Variants in SORBS2 observed in about 807,000 individuals in gnomAD.
The protein encoded by SORBS2 is sorbin and SH3 domain containing 2.
In SORBS2, 46 loss-of-function variants were observed where a neutral mutation model predicts 97.7. The ratio of observed to expected loss-of-function variants is 0.47; its 90% CI spans 0.37 to 0.60. The LOEUF is 0.60. Among genes scored for constraint, SORBS2 ranks in the 20% least tolerant of loss-of-function variants. The pLI is 0.00. For synonymous variants in SORBS2, 476 were observed against 473.4 expected (o/e 1.01, Z -0.07); for missense variants, 1,316 against 1,282.3 (o/e 1.03, Z -0.40).
intron 1 of SORBS2, among the ~76,000 whole-genome samples, chr4:185,927,362 TGCACCTATC>T (rs1193007268): frequency 6.6e-6 from 1 of 152,058 alleles, no homozygotes; most frequent in East Asian, 1.9e-4. Context: ...GGCGGTTTGC[TGCACCTATC>T]AATCTGTCAC....
chr4:185,604,210 A>G (rs1005659139), intron 12 of SORBS2, among the ~76,000 whole-genome samples: 2 of 152,272 alleles, frequency 1.3e-5, no homozygotes, highest in East Asian at 1.9e-4. Flanking sequence ...GGCCACGCCC[A>G]TGATGTTAAA....
intron 12 of SORBS2, among the ~76,000 whole-genome samples, chr4:185,605,368 C>T (rs561182977): frequency 8.5e-4 from 129 of 152,348 alleles, no homozygotes; most frequent in East Asian, 1.7e-3. Context: ...CTGCAACCTC[C>T]GCCTCCCGGT....
At chr4:185,767,594 C>A (rs1391782191) in intron 2 of SORBS2, among the ~76,000 whole-genome samples, 2 of 151,062 alleles carry the variant, frequency 1.3e-5, no homozygotes, top group Non-Finnish European at 2.9e-5. Context: ...TAATACTGAG[C>A]ATTAAATAAA....
chr4:185,900,062 T>C (rs531415505), intron 1 of SORBS2, among the ~76,000 whole-genome samples: 2 of 152,176 alleles, frequency 1.3e-5, no homozygotes, highest in Non-Finnish European at 2.9e-5. Context: ...GATTGTCGTG[T>C]GCTATGATCA....
chr4:185,808,295 G>C (rs1046762759), intron 1 of SORBS2, among the ~76,000 whole-genome samples: 7 of 151,928 alleles, frequency 4.6e-5, no homozygotes, highest in African/African-American at 1.7e-4. Flanking sequence ...CAAATATCAG[G>C]ATATTTTAAA....
intron 1 of SORBS2, among the ~76,000 whole-genome samples, chr4:185,802,633 C>T (rs535310467): frequency 3.2e-4 from 48 of 152,284 alleles, no homozygotes; most frequent in African/African-American, 1.1e-3. Flanking sequence ...CTCATCATTG[C>T]CTGCTCAAGC....
intron 1 of SORBS2, among the ~76,000 whole-genome samples, chr4:185,946,347 T>A (rs545267187): frequency 5.9e-5 from 9 of 152,140 alleles, no homozygotes; most frequent in African/African-American, 2.2e-4. Context: ...AACAAAAAAA[T>A]GTGAGTGTGA....
chr4:185,657,663 G>A (rs1297483914), upstream of SORBS2: 2 of 1,434,884 alleles, frequency 1.4e-6, no homozygotes, highest in African/African-American at 2.9e-5. Context: ...CATGTGTCTT[G>A]TTGTATATTT....
At chr4:185,834,011 T>C (rs114662010) in intron 1 of SORBS2, among the ~76,000 whole-genome samples, 4,419 of 152,342 alleles carry the variant, frequency 0.029, 205 homozygotes, top group African/African-American at 0.1. Flanking sequence ...ATTATGACAT[T>C]GGAAATGCCA....
intron 1 of SORBS2, chr4:185,933,476 C>T (rs1291156883): frequency 3.9e-5 from 6 of 152,060 alleles, no homozygotes; most frequent in Admixed American, 2.6e-4. Context: ...AGGCTGGAAG[C>T]CTGAGATCAA....
chr4:185,842,363 C>T (rs1039794156), intron 1 of SORBS2, among the ~76,000 whole-genome samples: 1 of 152,098 alleles, frequency 6.6e-6, no homozygotes, highest in Non-Finnish European at 1.5e-5. Flanking sequence ...GCAGAGTGGA[C>T]AAGAAGGAAA....
chr4:185,717,416 A>G (rs114942110), intron 2 of SORBS2, among the ~76,000 whole-genome samples: 3 of 152,228 alleles, frequency 2.0e-5, no homozygotes, highest in Non-Finnish European at 2.9e-5. Flanking sequence ...CATGGCAACT[A>G]TTATCTGAGG....
chr4:185,802,084 C>T (rs1585069514), intron 1 of SORBS2, among the ~76,000 whole-genome samples: 6 of 152,348 alleles, frequency 3.9e-5, no homozygotes, highest in African/African-American at 1.4e-4. Context: ...CTTTCCCGAT[C>T]CTCTAACAAA....
At chr4:185,746,376 G>C (rs1464154419) in intron 2 of SORBS2, among the ~76,000 whole-genome samples, 1 of 152,132 alleles carries the variant, frequency 6.6e-6, no homozygotes, top group African/African-American at 2.4e-5. Context: ...CAGGGCAGTG[G>C]CACCATCTTG....
At chr4:185,625,814 G>A (rs956204563) in intron 6 of SORBS2, among the ~76,000 whole-genome samples, 5 of 152,178 alleles carry the variant, frequency 3.3e-5, no homozygotes, top group African/African-American at 9.7e-5. Context: ...CAATCATCAC[G>A]ACCAGAATAC....
chr4:185,881,809 A>G (rs2099237036), intron 1 of SORBS2, among the ~76,000 whole-genome samples: 1 of 152,238 alleles, frequency 6.6e-6, no homozygotes, highest in Admixed American at 6.5e-5. Flanking sequence ...CAATGTAACC[A>G]AAGCATTAGG....
At chr4:185,652,816 T>A in intron 1 of SORBS2, 88 bp from the exon 10 acceptor site, 1 of 975,642 alleles carries the variant, frequency 1.0e-6, no homozygotes, top group Non-Finnish European at 1.7e-6. Flanking sequence ...TTTATGTTCT[T>A]AATAACAGAG....
At chr4:185,853,303 G>A (rs2099218950) in intron 1 of SORBS2, among the ~76,000 whole-genome samples, 1 of 152,158 alleles carries the variant, frequency 6.6e-6, no homozygotes, top group Non-Finnish European at 1.5e-5. Flanking sequence ...ATGTTTTATA[G>A]GACAAAGTAT....
rs567831223 is a variant in SORBS2, at chr4:185,864,393, G to T, written c.-337-89027C>A. On this transcript the variant is annotated intron_variant, in intron 1 of 20. Coordinates refer to the SORBS2 transcript ENST00000284776. ...TTTTGTGATGCTCCGTTTATTACTTGTACAGTAAGACTTTTACATGCTGAT... is the reference window on the plus strand; with the variant it reads ...TTTTGTGATGCTCCGTTTATTACTTTTACAGTAAGACTTTTACATGCTGAT... Among the ~76,000 whole-genome samples, 4 of 152,282 alleles carry T rather than the reference G, an allele frequency of 2.6e-5. No homozygotes were observed. The South Asian group carries it at 8.3e-4, about 32-fold the overall frequency.
Sources: gnomAD v4.1 joint callset for allele counts (sites outside exome capture counted in the v4.1 genomes callset) on GRCh38, gnomAD v4.1.1 for gene constraint, MANE v1.5 for transcripts, NCBI Gene and HGNC (gene_info 2026-07-23, HGNC 2026-07-21) for gene names.